EARS2: variants seen among roughly 807,000 people sequenced by gnomAD.
The protein encoded by EARS2 is nondiscriminating glutamyl-tRNA synthetase EARS2, mitochondrial.
In EARS2, 50 loss-of-function variants were observed where a neutral mutation model predicts 54.1. The ratio of observed to expected loss-of-function variants is 0.92; its 90% confidence interval spans 0.74 to 1.17. The LOEUF (loss-of-function observed/expected upper bound fraction) is 1.17. Ranked by LOEUF, EARS2 falls within the 50% of genes most tolerant of loss-of-function variation. The probability of loss-of-function intolerance (pLI) is 0.00; values close to 1 mark genes in which losing one functional copy is unlikely to be tolerated. For missense variants in EARS2, 673 were observed against 675.0 expected, an observed-to-expected ratio of 1.00 and a Z score of 0.03; for synonymous variants, 298 against 281.0, an observed-to-expected ratio of 1.06 and a Z score of -0.61.
chr16:23,536,682 C>CTT (rs953231916), intron 3 of EARS2, among the ~76,000 whole-genome samples: 43 of 113,498 alleles, frequency 3.8e-4, no homozygotes, highest in Admixed American at 7.1e-4. Flanking sequence ...CTTTTTTTTT[C>CTT]TTTTTTTTTT....
chr16:23,549,209 G>C (rs1965654545), intron 2 of EARS2, among the ~76,000 whole-genome samples: 1 of 152,136 alleles, frequency 6.6e-6, no homozygotes, highest in Non-Finnish European at 1.5e-5. Context: ...TCAGATCTCA[G>C]GACTCCCCAA....
intron 3 of EARS2, among the ~76,000 whole-genome samples, chr16:23,543,864 C>T (rs1052251549): frequency 6.6e-6 from 1 of 152,112 alleles, no homozygotes; most frequent in African/African-American, 2.4e-5. Flanking sequence ...AACTTTGTTT[C>T]GTGCACAAAA....
intron 3 of EARS2, among the ~76,000 whole-genome samples, chr16:23,537,763 A>T: frequency 6.7e-6 from 1 of 149,888 alleles, no homozygotes. Context: ...TAGTAGAGAC[A>T]GGGTTTCTTT....
chr16:23,544,801 A>G (rs941636914), intron 2 of EARS2, 98 bp from the exon 3 acceptor site: 25 of 1,122,564 alleles, frequency 2.2e-5, no homozygotes, highest in Admixed American at 2.9e-5. Context: ...TTTAATCCTC[A>G]TAACAATCCA....
rs117772244 is a variant in EARS2 at position 23,543,476 on chromosome 16, G to A, written c.485+1038C>T. On this transcript the variant is annotated intron_variant, in intron 3 of 8. Transcript: ENST00000449606. The stretch of plus-strand genomic sequence containing the variant: ...CAAAAAACCTGATCTGGCTGGGCAC[G>A]GTGGTTTACGCCTATAATCCTAACA... 4.6e-3 allele frequency among the ~76,000 whole-genome samples: 690 copies of A among 151,338 alleles called. 10 individuals are homozygous for A. Among genetic ancestry groups the A allele is most frequent in the Non-Finnish European group, 6.8e-3 (461 of 67,882 alleles).
chr16:23,544,733 G>A (rs1390635335), intron 2 of EARS2, 30 bp from the exon 3 acceptor site: 1 of 1,564,050 alleles, frequency 6.4e-7, no homozygotes, highest in South Asian at 1.2e-5. Context: ...GACAGCTAAG[G>A]TGCACACAGC....
chr16:23,552,128 T>A, intron 2 of EARS2, 21 bp downstream of exon 2: 1 of 1,608,966 alleles, frequency 6.2e-7, no homozygotes, highest in Non-Finnish European at 8.5e-7. Flanking sequence ...TGCAGAAAGA[T>A]CCTTTCTCTG....
intron 2 of EARS2, among the ~76,000 whole-genome samples, chr16:23,547,035 G>A (rs1965614565): frequency 6.6e-6 from 1 of 152,214 alleles, no homozygotes; most frequent in Non-Finnish European, 1.5e-5. Flanking sequence ...TCCCCTAGGA[G>A]AACTGAAAAC....
At chr16:23,541,699 C>CCT (rs397708106) in intron 3 of EARS2, among the ~76,000 whole-genome samples, 1,416 of 42,138 alleles carry the variant, frequency 0.034, 26 homozygotes, top group Middle Eastern at 0.054. Context: ...TGTGGATCTT[C>CCT]TTTTTTTTTT....
chr16:23,535,136 T>C lies in EARS2; in HGVS notation c.710A>G (p.His237Arg), dbSNP rs1383457843. The change falls in exon 4 of 9, where the codon CAC becomes CGC. Residue 237 changes from histidine to arginine, a missense_variant. This residue lies in a region of EARS2 where 338 missense variants were observed against 361.2 expected (regional missense o/e 0.94). Transcript: ENST00000449606. ...CAGCACGTGGCTGATGCCCATGTGG[T>C]GGTCGTCCACCACGCAGGCCAGGTG... Reference protein sequence around the residue: ...TYHLACVVDDHHMGISHVLRG... With the variant: ...TYHLACVVDDRHMGISHVLRG... 6.2e-7 allele frequency: 1 copy of C among 1,612,884 alleles called. No individual in the cohort carries two copies. Among genetic ancestry groups the C allele is most frequent in the South Asian group, 1.1e-5 (1 of 90,922 alleles).
At chr16:23,538,198 G>A (rs1263092115) in intron 3 of EARS2, among the ~76,000 whole-genome samples, 1 of 152,046 alleles carries the variant, frequency 6.6e-6, no homozygotes, top group East Asian at 1.9e-4. Flanking sequence ...TTGAGATGGA[G>A]TCTCGCTCTG....
intron 7 of EARS2, among the ~76,000 whole-genome samples, chr16:23,528,903 G>C (rs1001318737): frequency 2.6e-5 from 4 of 152,182 alleles, no homozygotes; most frequent in African/African-American, 9.7e-5. Context: ...TTGTCTGGTA[G>C]AGAGTCTTGC....
In EARS2 at chr16:23,523,629, G is replaced by A. The variant is rs987753831; in HGVS notation, c.*742C>T. 5 of 152,232 alleles carry A rather than the reference G, an allele frequency of 3.3e-5. No homozygotes were observed. Among genetic ancestry groups the A allele is most frequent in the Non-Finnish European group, 7.3e-5 (5 of 68,102 alleles). 9.4% of individuals were successfully genotyped at this position (152,232 alleles called of 1,614,324 possible). A position where few individuals can be genotyped will look rare whatever the true frequency, so the allele number is the denominator to read the frequency against. On this transcript the variant is annotated 3_prime_UTR_variant, in exon 9 of 9. Coordinates refer to ENST00000449606, the MANE Select transcript of EARS2 (RefSeq NM_001083614.2). Reference sequence around the variant, plus strand: ...CTGAGTCCTTGGGGCCTGAGAACTGGGACCCATGAGTCCTGCTGCCCAGCT... The same window carrying A: ...CTGAGTCCTTGGGGCCTGAGAACTGAGACCCATGAGTCCTGCTGCCCAGCT...
At chr16:23,544,773 T>G in intron 2 of EARS2, 70 bp from the exon 3 acceptor site, 3 of 1,328,526 alleles carry the variant, frequency 2.3e-6, no homozygotes, top group Non-Finnish European at 2.0e-6. Context: ...TCTAAGCACT[T>G]TATGCACATA....
intron 1 of EARS2, among the ~76,000 whole-genome samples, chr16:23,556,183 G>T (rs1004832208): frequency 6.6e-6 from 1 of 152,110 alleles, no homozygotes; most frequent in East Asian, 1.9e-4. Context: ...GGGATGAGAG[G>T]CATACTCCGT....
At chr16:23,526,451 A>G (rs7405145) in intron 7 of EARS2, among the ~76,000 whole-genome samples, 112,312 of 152,030 alleles carry the variant, frequency 0.74, 41,996 homozygotes, top group Non-Finnish European at 0.81. Flanking sequence ...TTTGAATTTA[A>G]AATTTTTAAA....
chr16:23,549,109 C>T (rs985466178), intron 2 of EARS2, among the ~76,000 whole-genome samples: 1 of 152,146 alleles, frequency 6.6e-6, no homozygotes, highest in Non-Finnish European at 1.5e-5. Flanking sequence ...GTAACACGCT[C>T]CCGCTCACCA....
At chr16:23,542,594 G>A (rs970423180) in intron 3 of EARS2, among the ~76,000 whole-genome samples, 15 of 151,846 alleles carry the variant, frequency 9.9e-5, no homozygotes, top group Non-Finnish European at 1.8e-4. Context: ...GATTACAGGC[G>A]TGAGCCACCA....
chr16:23,530,549 G>A (rs1965309877), intron 5 of EARS2, among the ~76,000 whole-genome samples: 1 of 151,978 alleles, frequency 6.6e-6, no homozygotes, highest in Non-Finnish European at 1.5e-5. Context: ...CGCTTCCCAG[G>A]TCACCTGCCA....
Sources: allele counts gnomAD v4.1 joint callset (sites outside exome capture counted in the v4.1 genomes callset), GRCh38; gene constraint gnomAD v4.1.1; regional missense constraint gnomAD v4.1.1; transcripts MANE v1.5; gene names NCBI Gene and HGNC (gene_info 2026-07-23, HGNC 2026-07-21).